The following RCN2 variants were observed in gnomAD, a reference collection of about 807,000 sequenced individuals.
The protein encoded by RCN2 is reticulocalbin-2.
A neutral mutation model predicts 37.5 loss-of-function variants in RCN2; 23 were observed. That is an observed-to-expected ratio of 0.61 (90% CI 0.44 to 0.87). The LOEUF (loss-of-function observed/expected upper bound fraction) is 0.87, where lower values mean the gene tolerates loss of function less well. RCN2 is among the 40% of genes least tolerant of loss of function. The pLI, the probability that RCN2 is intolerant of heterozygous loss-of-function variation, is 0.00. For missense variants in RCN2, 381 were observed against 390.4 expected (o/e 0.98, Z 0.20); for synonymous variants, 140 against 144.6 (o/e 0.97, Z 0.23).
intron 3 of RCN2, chr15:76,942,636 G>C (rs140167334): frequency 6.6e-6 from 1 of 152,186 alleles, no homozygotes; most frequent in African/African-American, 2.4e-5. Flanking sequence ...ACACTATAAA[G>C]AGCCTGCTAA....
rs775552734 is a variant in RCN2 at position 76,949,244 on chromosome 15, A to G, written c.*22A>G. The G allele has an allele frequency of 6.6e-6, 10 of 1,524,198 alleles. No homozygotes were observed. Among genetic ancestry groups the G allele is most frequent in the Non-Finnish European group, 8.9e-6 (10 of 1,125,766 alleles). The allele number at this position is 1,524,198 out of a possible 1,614,324, so 94.4% of individuals were successfully genotyped here. ...TTAATCTCTGAGCCTGTCTCAGTAG[A>G]GTACTGGCTCCTTTTATAATTTGTT... On this transcript the variant is annotated 3_prime_UTR_variant, in exon 7 of 7. Coordinates refer to ENST00000394885, the MANE Select transcript of RCN2 (RefSeq NM_002902.3).
intron 3 of RCN2, among the ~76,000 whole-genome samples, chr15:76,936,969 A>T (rs754590206): frequency 5.9e-5 from 9 of 152,042 alleles, no homozygotes; most frequent in Non-Finnish European, 2.9e-5. Flanking sequence ...CCTGGCAACC[A>T]CTGTTCTACT....
intron 2 of RCN2, among the ~76,000 whole-genome samples, chr15:76,933,721 T>C (rs1189391523): frequency 6.6e-6 from 1 of 152,190 alleles, no homozygotes; most frequent in Admixed American, 6.5e-5. Context: ...CCTGTTCCAT[T>C]CTGTTTTCTT....
intron 5 of RCN2, chr15:76,947,735 A>T (rs956973342): frequency 2.3e-6 from 1 of 441,526 alleles, no homozygotes; most frequent in Non-Finnish European, 4.0e-6. Flanking sequence ...CTAGAGTCAA[A>T]CATTTTTCTT....
Position 76,948,525 on chromosome 15 carries a change from T to C in RCN2, c.774T>C (p.Pro258=). The C allele has an allele frequency of 6.3e-7, 1 of 1,595,520 alleles. No homozygotes were observed. Among genetic ancestry groups the C allele is most frequent in the African/African-American group, 1.3e-5 (1 of 74,660 alleles). Residue 258 remains proline (P), a synonymous_variant, in exon 6 of 7, where the codon CCT becomes CCC. Coordinates refer to ENST00000394885, the MANE Select transcript of RCN2 (RefSeq NM_002902.3). ...DPQELLPWVV[P]NNQGIAQEEA... ...AAGAGCTGTTACCTTGGGTAGTACCTAATAATCAGGGCATTGCACAAGAGG... is the reference window on the plus strand; with the variant it reads ...AAGAGCTGTTACCTTGGGTAGTACCCAATAATCAGGGCATTGCACAAGAGG...
At chr15:76,946,535 C>G (rs995890357) in intron 4 of RCN2, among the ~76,000 whole-genome samples, 1 of 151,958 alleles carries the variant, frequency 6.6e-6, no homozygotes, top group Non-Finnish European at 1.5e-5. Flanking sequence ...GCAGATCATC[C>G]GAGGTTAGGA....
At position 76,931,992 on chromosome 15, in the gene RCN2, C is replaced by A; in HGVS notation, c.144+7C>A. ...GGCGCTGCTGGGCGTCCAGGTGAGG[C>A]GGCCAGGCCGGTGCTGGGAGGGCCG... On this transcript the variant is annotated splice_region_variant and intron_variant, in intron 1 of 6. Transcript: ENST00000394885. 8.0e-7 allele frequency: 1 copy of A among 1,256,378 alleles called. No individual in the cohort carries two copies. Among genetic ancestry groups the A allele is most frequent in the Non-Finnish European group, 1.0e-6 (1 of 1,004,970 alleles). 77.8% of individuals were successfully genotyped at this position (1,256,378 alleles called of 1,614,324 possible).
chr15:76,946,620 CAT>C (rs2075297879), intron 4 of RCN2, among the ~76,000 whole-genome samples: 1 of 152,138 alleles, frequency 6.6e-6, no homozygotes, highest in Admixed American at 6.5e-5. Flanking sequence ...GGTGTGGTGG[CAT>C]ACGCCTGTAG....
rs1398613238 is a variant in RCN2 at position 76,953,660 on chromosome 15, T to G, written c.*4438T>G. ...TCTCGCTCTGTCGCCCAGGCTGGAG[T>G]GCAGTGGCGCGATCTCGGCTCACTG... is the stretch of plus-strand genomic sequence containing the variant. On this transcript the variant is annotated 3_prime_UTR_variant, in exon 7 of 7. Transcript: ENST00000394885. The G allele has an allele frequency of 1.6e-5, 2 of 127,076 alleles. No individual in the cohort carries two copies. The highest frequency in any genetic ancestry group is 6.0e-5 in the African/African-American group (2 of 33,588). The allele number at this position is 127,076 out of a possible 1,614,324, so 7.9% of individuals were successfully genotyped here.
chr15:76,941,079 G>A (rs766200379), intron 3 of RCN2, among the ~76,000 whole-genome samples: 9 of 152,004 alleles, frequency 5.9e-5, no homozygotes, highest in Non-Finnish European at 1.3e-4. Context: ...TGTCACCCAC[G>A]CTGGAGTGCA....
chr15:76,935,618 G>A lies in RCN2; in HGVS notation c.343G>A (p.Asp115Asn), dbSNP rs771917750. The A allele has an allele frequency of 6.2e-7, 1 of 1,612,244 alleles. No homozygotes were observed. Among genetic ancestry groups the A allele is most frequent in the Non-Finnish European group, 8.5e-7 (1 of 1,178,284 alleles). Reference sequence around the variant, plus strand: ...TGTTGAATATGATAAAAACAGTGATGATACTGTGACTTGGGATGAATATAA... The same window carrying A: ...TGTTGAATATGATAAAAACAGTGATAATACTGTGACTTGGGATGAATATAA... ...QFVEYDKNSD[D>N]TVTWDEYNIQ... is the part of the protein sequence containing the mutation. Residue 115 changes from aspartate (D) to asparagine (N), a missense_variant, in exon 3 of 7, where the codon GAT becomes AAT. Transcript: ENST00000394885.
Position 76,953,053 on chromosome 15 carries a change from C to T in RCN2, c.*3831C>T, listed in dbSNP as rs1283800845. 6.5e-6 allele frequency: 1 copy of T among 152,908 alleles called. No homozygotes were observed. Among genetic ancestry groups the T allele is most frequent in the East Asian group, 1.9e-4 (1 of 5,214 alleles). 9.5% of individuals were successfully genotyped at this position (152,908 alleles called of 1,614,324 possible). Reference sequence around the variant, plus strand: ...GGTTCAAGCGATTCTCCTGCCTCAGCCTCCCAAGTAGCTGGGATTATAGAT... The same window carrying T: ...GGTTCAAGCGATTCTCCTGCCTCAGTCTCCCAAGTAGCTGGGATTATAGAT... On this transcript the variant is annotated 3_prime_UTR_variant, in exon 7 of 7. Coordinates refer to ENST00000394885, the MANE Select transcript of RCN2 (RefSeq NM_002902.3).
At chr15:76,948,380 G>A (rs1451100755) in intron 5 of RCN2, 30 bp from the exon 6 acceptor site, 2 of 1,483,944 alleles carry the variant, frequency 1.3e-6, no homozygotes, top group East Asian at 4.6e-5. Flanking sequence ...ATATTCTTGT[G>A]TATGTATATT....
rs117352694 is a variant in RCN2, at chr15:76,940,351, C to G, written c.448-3407C>G. Among the ~76,000 whole-genome samples, 928 of 150,958 alleles carry G rather than the reference C, an allele frequency of 6.1e-3. 4 individuals carry two copies. The highest frequency in any genetic ancestry group is 0.02 in the Middle Eastern group (6 of 294). ...AATTGATGTGGAGTGTAAAGATGAA[C>G]CCAGAAACCATATGCATTATTTTTC... is the stretch of plus-strand genomic sequence containing the variant. On this transcript the variant is annotated intron_variant, in intron 3 of 6. Transcript: ENST00000394885.
chr15:76,937,184 G>T (rs567774534), intron 3 of RCN2, among the ~76,000 whole-genome samples: 8 of 152,226 alleles, frequency 5.3e-5, no homozygotes, highest in Admixed American at 2.6e-4. Flanking sequence ...AAATCAAAAT[G>T]CTCTTAAATA....
At chr15:76,946,489 C>T (rs957794370) in intron 4 of RCN2, among the ~76,000 whole-genome samples, 5 of 151,948 alleles carry the variant, frequency 3.3e-5, no homozygotes, top group Admixed American at 6.5e-5. Flanking sequence ...GAGTGGCTTA[C>T]GCCTGTAATC....
rs2075322576 is a variant in RCN2 at position 76,951,942 on chromosome 15, A to G, written c.*2720A>G. On this transcript the variant is annotated 3_prime_UTR_variant, in exon 7 of 7. Transcript: ENST00000394885. ...GATGTCTAGATTATGATATAAATTT[A>G]AAGGAAGCCAGGACGTTCAGAGGAA... The G allele has an allele frequency of 1.3e-5, 2 of 152,152 alleles. No individual in the cohort carries two copies. The highest frequency in any genetic ancestry group is 4.8e-5 in the African/African-American group (2 of 41,422). 9.4% of individuals were successfully genotyped at this position (152,152 alleles called of 1,614,324 possible). A position where few individuals can be genotyped will look rare whatever the true frequency, so the allele number is the denominator to read the frequency against.
chr15:76,931,902 G>A lies in RCN2; in HGVS notation c.61G>A (p.Gly21Ser). Residue 21 changes from glycine to serine, a missense_variant, in exon 1 of 7, where the codon GGC becomes AGC. Transcript: ENST00000394885. ...GLLLLCAAAA[G>S]AGKAEELHYP... ...GCTGCTGCTGTGCGCCGCCGCGGCC[G>A]GCGCCGGCAAGGCCGAGGAGCTGCA... 1 of 1,322,678 alleles carries A rather than the reference G, an allele frequency of 7.6e-7. No homozygotes were observed. Among genetic ancestry groups the A allele is most frequent in the Non-Finnish European group, 9.7e-7 (1 of 1,035,040 alleles). 81.9% of individuals were successfully genotyped at this position (1,322,678 alleles called of 1,614,324 possible).
At chr15:76,944,219 G>T (rs2075287978) in intron 4 of RCN2, among the ~76,000 whole-genome samples, 1 of 151,796 alleles carries the variant, frequency 6.6e-6, no homozygotes, top group Non-Finnish European at 1.5e-5. Flanking sequence ...CTGACCTCGT[G>T]ATCCGCCCGC....
Sources: allele counts gnomAD v4.1 joint callset (sites outside exome capture counted in the v4.1 genomes callset), GRCh38; gene constraint gnomAD v4.1.1; transcripts MANE v1.5; gene names NCBI Gene and HGNC (gene_info 2026-07-23, HGNC 2026-07-21).